The following SLC25A26 variants were observed in gnomAD, a reference collection of about 807,000 sequenced individuals.
SLC25A26 encodes mitochondrial S-adenosylmethionine carrier protein.
Under a neutral mutation model 37.8 loss-of-function variants are expected in SLC25A26, and 36 were observed. That is an observed-to-expected ratio of 0.95 (90% CI 0.73 to 1.26). SLC25A26 has a LOEUF of 1.26. Ranked by LOEUF, SLC25A26 falls within the 50% of genes most tolerant of loss-of-function variation. The pLI is 0.00. For synonymous variants in SLC25A26, 129 were observed against 122.5 expected, an observed-to-expected ratio of 1.05 and a Z score of -0.35; for missense variants, 390 against 331.1, an observed-to-expected ratio of 1.18 and a Z score of -1.38.
rs1414047406 is a variant in SLC25A26, at chr3:66,196,622, G to C, written c.-353-24120G>C. On this transcript the variant is annotated intron_variant, in intron 1 of 10. Coordinates refer to the SLC25A26 transcript ENST00000676754. ...TTAAATAATAAAGTGTTTAACTATA[G>C]CCTTAAAATAGAATTTATCAGTATA... is the stretch of plus-strand genomic sequence containing the variant. Among the ~76,000 whole-genome samples, 8 of 151,974 alleles carry C rather than the reference G, an allele frequency of 5.3e-5. No individual in the cohort carries two copies. In the East Asian group the frequency reaches 1.5e-3, roughly 29 times the overall value.
intron 5 of SLC25A26, among the ~76,000 whole-genome samples, chr3:66,264,105 C>T (rs1383243223): frequency 6.6e-6 from 1 of 151,964 alleles, no homozygotes; most frequent in African/African-American, 2.4e-5. Flanking sequence ...GACGAAACCT[C>T]GTCTCTACTA....
In SLC25A26 at chr3:66,164,630, C is replaced by A. The variant is rs143837088; in HGVS notation, c.-354+30646C>A. Among the ~76,000 whole-genome samples the A allele has an allele frequency of 5.4e-3, 826 of 152,228 alleles. 12 individuals are homozygous for A. The highest frequency in any genetic ancestry group is 0.044 in the East Asian group (229 of 5,186). Reference sequence around the variant, plus strand: ...TCAGCAAACATTTTCTGTAAAGGGCCACATAGCAAATATTTTAGGCCTTGT... The same window carrying A: ...TCAGCAAACATTTTCTGTAAAGGGCAACATAGCAAATATTTTAGGCCTTGT... On this transcript the variant is annotated intron_variant, in intron 1 of 10. Transcript: ENST00000676754.
At chr3:66,267,167 G>T (rs1041954957) in intron 5 of SLC25A26, among the ~76,000 whole-genome samples, 11 of 152,060 alleles carry the variant, frequency 7.2e-5, no homozygotes, top group African/African-American at 2.7e-4. Flanking sequence ...ACAAGATGCA[G>T]GTGGGGTTAC....
intron 5 of SLC25A26, among the ~76,000 whole-genome samples, chr3:66,307,401 T>G (rs868809907): frequency 1.1e-4 from 16 of 152,202 alleles, no homozygotes; most frequent in African/African-American, 3.6e-4. Flanking sequence ...ATTCTGGATA[T>G]TAACCCTTTG....
intron 1 of SLC25A26, among the ~76,000 whole-genome samples, chr3:66,229,233 T>G (rs1163098317): frequency 6.6e-6 from 1 of 152,202 alleles, no homozygotes; most frequent in Non-Finnish European, 1.5e-5. Context: ...TAGTTCTCAT[T>G]TATTTTATTT....
intron 6 of SLC25A26, among the ~76,000 whole-genome samples, chr3:66,347,526 G>A (rs1456350629): frequency 6.6e-6 from 1 of 152,154 alleles, no homozygotes; most frequent in African/African-American, 2.4e-5. Context: ...ACTGTTGGTG[G>A]GAATGTAAAT....
At chr3:66,255,256 A>G (rs566622807) in intron 3 of SLC25A26, among the ~76,000 whole-genome samples, 1 of 152,312 alleles carries the variant, frequency 6.6e-6, no homozygotes, top group East Asian at 1.9e-4. Context: ...CAGGGGCAGC[A>G]TGCATGTGCA....
intron 9 of SLC25A26, among the ~76,000 whole-genome samples, chr3:66,376,345 T>A (rs754993157): frequency 6.6e-6 from 1 of 152,160 alleles, no homozygotes; most frequent in Non-Finnish European, 1.5e-5. Flanking sequence ...CAAAATGTAT[T>A]GTGTGCTACA....
At chr3:66,248,634 G>A (rs989088581) in intron 3 of SLC25A26, among the ~76,000 whole-genome samples, 5 of 152,164 alleles carry the variant, frequency 3.3e-5, no homozygotes, top group African/African-American at 1.2e-4. Flanking sequence ...TGAATGTAAT[G>A]TATGTTCATA....
intron 1 of SLC25A26, among the ~76,000 whole-genome samples, chr3:66,203,497 C>A (rs1695354449): frequency 6.6e-6 from 1 of 151,904 alleles, no homozygotes; most frequent in African/African-American, 2.4e-5. Flanking sequence ...TTTTAACTTA[C>A]CCTTATTAAA....
intron 1 of SLC25A26, among the ~76,000 whole-genome samples, chr3:66,181,385 A>G (rs2070703007): frequency 6.6e-6 from 1 of 152,198 alleles, no homozygotes; most frequent in Admixed American, 6.5e-5. Flanking sequence ...AGTAACAATA[A>G]CAGCTTATAT....
intron 3 of SLC25A26, among the ~76,000 whole-genome samples, chr3:66,246,108 G>T (rs1391202669): frequency 3.3e-5 from 5 of 152,190 alleles, no homozygotes; most frequent in African/African-American, 4.8e-5. Context: ...CTAGTGTAGT[G>T]TTTTCCAGGT....
intron 5 of SLC25A26, among the ~76,000 whole-genome samples, chr3:66,312,014 A>T (rs555495977): frequency 3.9e-5 from 6 of 151,932 alleles, no homozygotes; most frequent in Non-Finnish European, 7.4e-5. Context: ...GCAGAGCTCA[A>T]GTGCTGTGCT....
intron 9 of SLC25A26, among the ~76,000 whole-genome samples, chr3:66,373,527 C>G (rs1245437237): frequency 6.6e-6 from 1 of 152,104 alleles, no homozygotes; most frequent in African/African-American, 2.4e-5. Flanking sequence ...AGAGTGGTCT[C>G]CCACAGCTCG....
chr3:66,272,350 G>A (rs139614657), intron 5 of SLC25A26, among the ~76,000 whole-genome samples: 24 of 152,228 alleles, frequency 1.6e-4, no homozygotes, highest in African/African-American at 5.8e-4. Flanking sequence ...TTTTTCTGGG[G>A]AGGAAAATAT....
chr3:66,365,903 C>T (rs2076814075), intron 7 of SLC25A26, among the ~76,000 whole-genome samples: 1 of 152,098 alleles, frequency 6.6e-6, no homozygotes, highest in Admixed American at 6.5e-5. Flanking sequence ...GCAAGGTTGC[C>T]CAGGGGTGGG....
rs1470670910 is a variant in SLC25A26, at chr3:66,377,912, C to T, written c.*105C>T. 3.5e-6 allele frequency: 3 copies of T among 856,382 alleles called. No homozygotes were observed. The highest frequency in any genetic ancestry group is 3.4e-5 in the African/African-American group (2 of 59,418). 53.0% of individuals were successfully genotyped at this position (856,382 alleles called of 1,614,324 possible). A position where few individuals can be genotyped will look rare whatever the true frequency, so the allele number is the denominator to read the frequency against. ...AACTATAGGCCCCAGTGCTGAAGAC[C>T]AGTTGTGCTAAGATACCGGCATGGA... On this transcript the variant is annotated 3_prime_UTR_variant, in exon 10 of 10. Coordinates refer to ENST00000354883, the MANE Select transcript of SLC25A26 (RefSeq NM_001379210.1).
intron 5 of SLC25A26, among the ~76,000 whole-genome samples, chr3:66,291,936 G>A: frequency 6.6e-6 from 1 of 152,152 alleles, no homozygotes; most frequent in Non-Finnish European, 1.5e-5. Flanking sequence ...GGGCATCTAA[G>A]TCTGTTTGTA....
intron 5 of SLC25A26, among the ~76,000 whole-genome samples, chr3:66,287,120 C>A (rs1039073269): frequency 1.8e-4 from 27 of 152,078 alleles, no homozygotes; most frequent in South Asian, 6.2e-4. Context: ...CACGGAGAAA[C>A]CCCATCTCTA....
Sources: gnomAD v4.1 joint callset for allele counts (sites outside exome capture counted in the v4.1 genomes callset) on GRCh38, gnomAD v4.1.1 for gene constraint, MANE v1.5 for transcripts, NCBI Gene and HGNC (gene_info 2026-07-23, HGNC 2026-07-21) for gene names.